Variants in CDH13 observed in about 807,000 individuals in gnomAD.
The protein encoded by CDH13 is cadherin 13.
Under a neutral mutation model 63.8 loss-of-function variants are expected in CDH13, and 24 were observed. That is an observed-to-expected ratio of 0.38 (90% confidence interval 0.27 to 0.53). CDH13 has a LOEUF of 0.53. Ranked by LOEUF, CDH13 falls within the 20% of genes least tolerant of loss-of-function variation. The pLI is 0.85. For missense variants in CDH13, 1,049 were observed against 903.1 expected (o/e 1.16, Z -2.07); for synonymous variants, 503 against 355.3 (o/e 1.42, Z -4.67).
chr16:83,369,124 C>T (rs2091314625), intron 6 of CDH13, among the ~76,000 whole-genome samples: 1 of 151,184 alleles, frequency 6.6e-6, no homozygotes, highest in South Asian at 2.1e-4. Flanking sequence ...ACTTTTAGTT[C>T]TTTAAGGAAT....
intron 4 of CDH13, among the ~76,000 whole-genome samples, chr16:83,172,448 G>A (rs771538413): frequency 3.9e-5 from 6 of 151,920 alleles, no homozygotes; most frequent in South Asian, 2.1e-4. Flanking sequence ...CTGAGATCAC[G>A]CCATTGCACT....
At position 82,932,542 on chromosome 16, in the gene CDH13, G is replaced by T. The variant is rs149629536; in HGVS notation, c.157+74069G>T. The stretch of plus-strand genomic sequence containing the variant: ...GGCAGAGCTTCCCAAGACAAAACTT[G>T]TGGATAGAGTGGAAACTATGATCTA... On this transcript the variant is annotated intron_variant, in intron 2 of 13. Transcript: ENST00000567109. 2.0e-3 allele frequency among the ~76,000 whole-genome samples: 298 copies of T among 152,310 alleles called. 1 individual carries two copies. The highest frequency in any genetic ancestry group is 6.7e-3 in the African/African-American group (279 of 41,546).
chr16:83,689,019 C>T (rs1904585980), intron 10 of CDH13, among the ~76,000 whole-genome samples: 1 of 152,122 alleles, frequency 6.6e-6, no homozygotes, highest in Non-Finnish European at 1.5e-5. Context: ...TAATATGAAA[C>T]ATCTGGCCGT....
rs572315473 is a variant in CDH13, at chr16:83,786,378, G to A, written c.2134+2906G>A. ...CACTTAGGAAACATTTTCAAACTAC[G>A]AATTCCTGAGCTCAGTGCCCTAGAA... On this transcript the variant is annotated intron_variant, in intron 13 of 13. Transcript: ENST00000567109. 5.3e-5 allele frequency among the ~76,000 whole-genome samples: 8 copies of A among 151,924 alleles called. 1 individual carries two copies. The highest frequency in any genetic ancestry group is 1.9e-4 in the African/African-American group (8 of 41,258).
chr16:83,496,446 T>G (rs1357501348), intron 7 of CDH13, among the ~76,000 whole-genome samples: 1 of 151,516 alleles, frequency 6.6e-6, no homozygotes, highest in Non-Finnish European at 1.5e-5. Context: ...CTGGGAAAAC[T>G]GGCTAGCCAT....
intron 6 of CDH13, among the ~76,000 whole-genome samples, chr16:83,418,205 C>T (rs936928766): frequency 2.0e-5 from 3 of 152,222 alleles, no homozygotes; most frequent in Non-Finnish European, 4.4e-5. Context: ...AAATGGAGGG[C>T]GGTCTCACCT....
At chr16:82,938,249 A>G (rs1198094469) in intron 2 of CDH13, among the ~76,000 whole-genome samples, 1 of 152,198 alleles carries the variant, frequency 6.6e-6, no homozygotes, top group Non-Finnish European at 1.5e-5. Flanking sequence ...TACATTGTAT[A>G]TCTTACCTCA....
At chr16:82,885,179 A>G (rs1052391598) in intron 2 of CDH13, among the ~76,000 whole-genome samples, 1 of 152,216 alleles carries the variant, frequency 6.6e-6, no homozygotes, top group Non-Finnish European at 1.5e-5. Flanking sequence ...GTATATTATG[A>G]GCACTACTCT....
intron 8 of CDH13, among the ~76,000 whole-genome samples, chr16:83,623,733 G>A (rs1340097136): frequency 6.6e-6 from 1 of 152,142 alleles, no homozygotes; most frequent in Non-Finnish European, 1.5e-5. Context: ...GGACCCTGTG[G>A]CTGAAAAGAA....
At chr16:83,562,226 G>A (rs1028805816) in intron 7 of CDH13, among the ~76,000 whole-genome samples, 3 of 152,286 alleles carry the variant, frequency 2.0e-5, no homozygotes, top group South Asian at 4.1e-4. Flanking sequence ...CTTCTGACCT[G>A]GATAGGGCAA....
At chr16:83,326,718 A>T (rs1007092163) in intron 5 of CDH13, among the ~76,000 whole-genome samples, 3 of 152,188 alleles carry the variant, frequency 2.0e-5, no homozygotes, top group Non-Finnish European at 4.4e-5. Flanking sequence ...GAGCAAAGGA[A>T]CAAGTCACTA....
At chr16:82,849,507 A>G (rs780409489) in intron 1 of CDH13, among the ~76,000 whole-genome samples, 30 of 152,214 alleles carry the variant, frequency 2.0e-4, no homozygotes, top group Non-Finnish European at 3.7e-4. Flanking sequence ...TCTCAAAAAA[A>G]TAAATAAATA....
chr16:83,676,420 G>A (rs569801410), intron 9 of CDH13, among the ~76,000 whole-genome samples: 1 of 152,308 alleles, frequency 6.6e-6, no homozygotes, highest in Admixed American at 6.5e-5. Flanking sequence ...CAAAGGCTCT[G>A]TCCCCTCCAG....
At chr16:82,662,464 G>C (rs946359519) in intron 1 of CDH13, among the ~76,000 whole-genome samples, 3 of 152,212 alleles carry the variant, frequency 2.0e-5, no homozygotes, top group Non-Finnish European at 4.4e-5. Flanking sequence ...AACATGAACA[G>C]AGGGTTTTCT....
At chr16:83,204,423 G>C (rs2039121944) in intron 4 of CDH13, among the ~76,000 whole-genome samples, 1 of 152,188 alleles carries the variant, frequency 6.6e-6, no homozygotes, top group Non-Finnish European at 1.5e-5. Flanking sequence ...GTAAATGGTA[G>C]CAGCTGTCAT....
At chr16:83,733,925 C>A (rs1411260261) in intron 10 of CDH13, among the ~76,000 whole-genome samples, 1 of 152,200 alleles carries the variant, frequency 6.6e-6, no homozygotes, top group African/African-American at 2.4e-5. Flanking sequence ...CCCCCTGCCC[C>A]AGGTTCCATG....
chr16:82,668,632 A>G (rs191304623), intron 1 of CDH13, among the ~76,000 whole-genome samples: 117 of 152,304 alleles, frequency 7.7e-4, no homozygotes, highest in African/African-American at 2.6e-3. Context: ...CTACAGATTC[A>G]GCATTCCTTG....
At chr16:82,876,513 G>C (rs1049588643) in intron 2 of CDH13, among the ~76,000 whole-genome samples, 5 of 152,040 alleles carry the variant, frequency 3.3e-5, no homozygotes, top group African/African-American at 1.2e-4. Flanking sequence ...AGACATAAAA[G>C]GTAAGCTTTT....
intron 10 of CDH13, among the ~76,000 whole-genome samples, chr16:83,685,805 G>C (rs185664514): frequency 8.5e-4 from 130 of 152,256 alleles, no homozygotes; most frequent in Non-Finnish European, 3.7e-4. Flanking sequence ...GCTGGATTCC[G>C]CCAGAAACCC....
Sources: allele counts gnomAD v4.1 joint callset (sites outside exome capture counted in the v4.1 genomes callset), GRCh38; gene constraint gnomAD v4.1.1; transcripts MANE v1.5; gene names NCBI Gene and HGNC (gene_info 2026-07-23, HGNC 2026-07-21).